The following PIP5K1B variants were observed in gnomAD, a reference collection of about 807,000 sequenced individuals.
PIP5K1B encodes phosphatidylinositol-4-phosphate 5-kinase type 1 beta, also known as phosphatidylinositol 4-phosphate 5-kinase type-1 beta.
PIP5K1B carries 42 observed loss-of-function variants against 67.0 expected under a neutral mutation model. That is an observed-to-expected ratio of 0.63 (90% CI 0.49 to 0.81). The LOEUF is 0.81. Among genes scored for constraint, PIP5K1B ranks in the 30% least tolerant of loss-of-function variants. PIP5K1B has a pLI of 0.00. For missense variants in PIP5K1B, 459 were observed against 646.3 expected (o/e 0.71, Z 3.14); for synonymous variants, 214 against 231.4 (o/e 0.92, Z 0.68).
chr9:68,743,309 T>C (rs1281303118), intron 2 of PIP5K1B, among the ~76,000 whole-genome samples: 3 of 150,682 alleles, frequency 2.0e-5, no homozygotes, highest in East Asian at 4.0e-4. Flanking sequence ...GCTCAAGCAA[T>C]CCTCCTGCCT....
Position 68,876,808 on chromosome 9 carries a change from A to G in PIP5K1B, c.318+14A>G, listed in dbSNP as rs1564199817. On this transcript the variant is annotated intron_variant, in intron 6 of 15. Transcript: ENST00000265382. ...GATGATTACTTGGTAAGAACCTGTC[A>G]TTTTTCTTCCTTCTATAGAAATGTG... The G allele has an allele frequency of 1.6e-6, 2 of 1,223,786 alleles. No individual in the cohort carries two copies. The highest frequency in any genetic ancestry group is 1.7e-5 in the Admixed American group (1 of 59,350). The allele number at this position is 1,223,786 out of a possible 1,614,324, so 75.8% of individuals were successfully genotyped here.
At chr9:68,725,297 T>G (rs1373628024) in intron 1 of PIP5K1B, among the ~76,000 whole-genome samples, 1 of 152,202 alleles carries the variant, frequency 6.6e-6, no homozygotes, top group Non-Finnish European at 1.5e-5. Flanking sequence ...GCTAACACTT[T>G]GGTGCGCCCT....
chr9:68,891,194 G>C (rs987110737), intron 7 of PIP5K1B, among the ~76,000 whole-genome samples: 50 of 152,182 alleles, frequency 3.3e-4, no homozygotes, highest in African/African-American at 1.2e-3. Context: ...AGGCTGCAGT[G>C]AACTATGATC....
rs73646773 is a variant in PIP5K1B, at chr9:68,871,109, G to T, written c.201-5568G>T. On this transcript the variant is annotated intron_variant, in intron 5 of 15. Transcript: ENST00000265382. ...CATAAACAAAGCTGTGTTGTTATTA[G>T]TACATAGAGAGGAGAACACCAACTG... 7.0e-3 allele frequency among the ~76,000 whole-genome samples: 1,071 copies of T among 152,288 alleles called. 18 individuals carry two copies. The highest frequency in any genetic ancestry group is 0.024 in the African/African-American group (1,012 of 41,546).
At chr9:68,715,694 ATAAG>A (rs1429215798) in intron 1 of PIP5K1B, among the ~76,000 whole-genome samples, 1 of 152,212 alleles carries the variant, frequency 6.6e-6, no homozygotes, top group African/African-American at 2.4e-5. Flanking sequence ...TCTTGAGTGA[ATAAG>A]TAAATGAATA....
chr9:68,830,861 G>T (rs118092941), intron 4 of PIP5K1B, among the ~76,000 whole-genome samples: 1 of 152,148 alleles, frequency 6.6e-6, no homozygotes, highest in Admixed American at 6.5e-5. Flanking sequence ...GTGTTCACTC[G>T]CTTCCCTGCA....
intron 2 of PIP5K1B, among the ~76,000 whole-genome samples, chr9:68,751,346 C>T (rs1829622123): frequency 6.6e-6 from 1 of 152,118 alleles, no homozygotes; most frequent in Non-Finnish European, 1.5e-5. Context: ...TAAAGCATAC[C>T]TATAATTATC....
In PIP5K1B at chr9:68,709,937, G is replaced by A. The variant is rs139303587; in HGVS notation, c.-243+4175G>A. 2.1e-3 allele frequency among the ~76,000 whole-genome samples: 313 copies of A among 152,264 alleles called. 4 individuals carry two copies. Among genetic ancestry groups the A allele is most frequent in the Non-Finnish European group, 3.5e-4 (24 of 68,018 alleles). On this transcript the variant is annotated intron_variant, in intron 1 of 15. Transcript: ENST00000265382. ...AAAAGAAAGGAAAAGAAACACAAAT[G>A]TATGCTGGTATTCTCAACTTCTCTT...
At chr9:68,800,433 G>A (rs1231619613) in intron 2 of PIP5K1B, among the ~76,000 whole-genome samples, 2 of 152,194 alleles carry the variant, frequency 1.3e-5, no homozygotes, top group Non-Finnish European at 2.9e-5. Flanking sequence ...TCTGTGGCAT[G>A]GGGAAGAAAC....
At chr9:68,907,078 A>G (rs1282167670) in intron 8 of PIP5K1B, among the ~76,000 whole-genome samples, 2 of 152,240 alleles carry the variant, frequency 1.3e-5, no homozygotes, top group African/African-American at 2.4e-5. Flanking sequence ...CCCTACTAGC[A>G]TCCACTTCCT....
At chr9:68,717,170 C>A (rs983648258) in intron 1 of PIP5K1B, among the ~76,000 whole-genome samples, 1 of 152,080 alleles carries the variant, frequency 6.6e-6, no homozygotes, top group Non-Finnish European at 1.5e-5. Flanking sequence ...CAATTGAAGC[C>A]CAATCCTCAA....
chr9:68,927,977 C>T (rs575508896), intron 12 of PIP5K1B, among the ~76,000 whole-genome samples: 45 of 152,040 alleles, frequency 3.0e-4, no homozygotes, highest in Admixed American at 2.6e-3. Context: ...GTGGGATAGC[C>T]GGTTGTTTCA....
intron 2 of PIP5K1B, among the ~76,000 whole-genome samples, chr9:68,774,543 T>C (rs185423941): frequency 6.6e-6 from 1 of 152,348 alleles, no homozygotes; most frequent in Admixed American, 6.5e-5. Flanking sequence ...TCTAACTTTA[T>C]ATAGAAACGT....
chr9:68,811,661 G>T (rs546898474), intron 2 of PIP5K1B, among the ~76,000 whole-genome samples: 2 of 152,264 alleles, frequency 1.3e-5, no homozygotes, highest in East Asian at 3.9e-4. Context: ...AGCCCTAAAA[G>T]CAATAGTGGC....
intron 1 of PIP5K1B, among the ~76,000 whole-genome samples, chr9:68,725,978 A>G (rs1828129103): frequency 6.6e-6 from 1 of 152,188 alleles, no homozygotes; most frequent in Non-Finnish European, 1.5e-5. Flanking sequence ...GCCCATTTAG[A>G]TGTAATATGA....
intron 5 of PIP5K1B, among the ~76,000 whole-genome samples, chr9:68,866,056 G>GGT: frequency 6.6e-6 from 1 of 152,302 alleles, no homozygotes. Context: ...AGCAGCAGCA[G>GGT]GTGTGTCACT....
At chr9:68,893,624 G>A (rs183658318) in intron 7 of PIP5K1B, among the ~76,000 whole-genome samples, 135 of 152,152 alleles carry the variant, frequency 8.9e-4, no homozygotes, top group African/African-American at 3.2e-3. Context: ...GAGCCACAGT[G>A]CCCAGCCTCC....
Position 68,979,624 on chromosome 9 carries a change from T to C in PIP5K1B, c.1503-11516T>C, listed in dbSNP as rs543122458. The stretch of plus-strand genomic sequence containing the variant: ...CTGCTCATGGCAGGAGCTCAGTCAC[T>C]GCCAGTTCTCTGAGCCATTGTGGCT... On this transcript the variant is annotated intron_variant, in intron 14 of 15. Coordinates refer to ENST00000265382, the MANE Select transcript of PIP5K1B (RefSeq NM_003558.4). 4.3e-3 allele frequency among the ~76,000 whole-genome samples: 603 copies of C among 139,010 alleles called. 2 individuals are homozygous for C. Among genetic ancestry groups the C allele is most frequent in the African/African-American group, 0.015 (577 of 37,842 alleles). 91.2% of individuals were successfully genotyped at this position (139,010 alleles called of 152,430 possible).
chr9:68,821,278 A>C (rs2132066739), intron 3 of PIP5K1B, among the ~76,000 whole-genome samples: 1 of 152,336 alleles, frequency 6.6e-6, no homozygotes, highest in East Asian at 1.9e-4. Flanking sequence ...AAAGGCAGAT[A>C]CTAACACAGA....
Sources: gnomAD v4.1 joint callset for allele counts (sites outside exome capture counted in the v4.1 genomes callset) on GRCh38, gnomAD v4.1.1 for gene constraint, MANE v1.5 for transcripts, NCBI Gene and HGNC (gene_info 2026-07-23, HGNC 2026-07-21) for gene names.